FGF13: variants seen among roughly 807,000 people sequenced by gnomAD.
FGF13 encodes the protein fibroblast growth factor homologous factor 2.
FGF13 carries 2 observed loss-of-function variants against 19.5 expected under a neutral mutation model. The ratio of observed to expected loss-of-function variants is 0.10; its 90% CI spans 0.04 to 0.32. The LOEUF is 0.32. Ranked by LOEUF, FGF13 falls within the 10% of genes least tolerant of loss-of-function variation. The probability of loss-of-function intolerance (pLI) is 1.00; values close to 1 mark genes in which losing one functional copy is unlikely to be tolerated. For synonymous variants in FGF13, 72 were observed against 76.9 expected, an observed-to-expected ratio of 0.94 and a Z score of 0.33; for missense variants, 113 against 192.7, an observed-to-expected ratio of 0.59 and a Z score of 2.45.
At chrX:138,784,891 C>G (rs1033183407) in intron 3 of FGF13, among the ~76,000 whole-genome samples, 1 of 112,198 alleles carries the variant, frequency 8.9e-6, no homozygotes, top group Non-Finnish European at 1.9e-5. Flanking sequence ...TACTTCACTG[C>G]TGTATTTTAG....
At chrX:138,845,420 C>T (rs1165973990) in intron 3 of FGF13, among the ~76,000 whole-genome samples, 1 of 111,832 alleles carries the variant, frequency 8.9e-6, no homozygotes, top group Non-Finnish European at 1.9e-5. Context: ...CCGTTGAACA[C>T]AGAATATCAA....
chrX:138,908,328 T>G (rs1262434441), intron 1 of FGF13, among the ~76,000 whole-genome samples: 1 of 108,899 alleles, frequency 9.2e-6, no homozygotes, highest in Non-Finnish European at 1.9e-5. Context: ...TCCGCCCACC[T>G]TGGCTCCCAA....
chrX:138,971,143 G>A (rs1490292218), intron 1 of FGF13, among the ~76,000 whole-genome samples: 2 of 111,381 alleles, frequency 1.8e-5, no homozygotes, highest in Non-Finnish European at 3.8e-5. Flanking sequence ...ACAGGGTATT[G>A]CCAGGGGCCT....
chrX:138,841,522 T>A lies in FGF13; in HGVS notation c.217+15990A>T, dbSNP rs182151215. Reference sequence around the variant, plus strand: ...CTATCCAATCCTTTTTAAAAATTTTTTTTATTTATATATATATAAGGATAT... The same window carrying A: ...CTATCCAATCCTTTTTAAAAATTTTATTTATTTATATATATATAAGGATAT... On this transcript the variant is annotated intron_variant, in intron 3 of 6. Coordinates refer to the FGF13 transcript ENST00000436198. Among the ~76,000 whole-genome samples the A allele has an allele frequency of 4.0e-4, 44 of 110,519 alleles. 1 individual carries two copies. In the East Asian group the frequency reaches 0.012, roughly 31 times the overall value.
intron 1 of FGF13, among the ~76,000 whole-genome samples, chrX:138,868,363 AGT>A (rs200694460): frequency 0.1 from 11,032 of 108,834 alleles, 1,421 homozygotes; most frequent in African/African-American, 0.35. Flanking sequence ...AGCGGGGCCC[AGT>A]GTGTGTGTGT....
upstream of FGF13, among the ~76,000 whole-genome samples, chrX:138,713,468 C>T (rs1026124686): frequency 9.0e-6 from 1 of 111,711 alleles, no homozygotes; most frequent in African/African-American, 3.3e-5. Flanking sequence ...TTATTCTCTG[C>T]ATGTTTTTAC....
intron 1 of FGF13, among the ~76,000 whole-genome samples, chrX:139,028,993 G>A (rs1364800670): frequency 2.7e-5 from 3 of 110,589 alleles, no homozygotes; most frequent in Non-Finnish European, 3.8e-5. Context: ...GCCTAGCCAT[G>A]TCAGTAGCTG....
At chrX:139,202,098 T>A (rs1005819799) in intron 1 of FGF13, among the ~76,000 whole-genome samples, 9 of 112,517 alleles carry the variant, frequency 8.0e-5, no homozygotes, top group Non-Finnish European at 1.7e-4. Flanking sequence ...AAACCTGTCC[T>A]GTTTCCAGAT....
intron 2 of FGF13, among the ~76,000 whole-genome samples, 155 bp from the exon 3 acceptor site, chrX:138,703,242 G>T (rs988696655): frequency 8.9e-6 from 1 of 112,166 alleles, no homozygotes; most frequent in African/African-American, 3.2e-5. Flanking sequence ...TACACATACA[G>T]ACCCCCACAA....
At chrX:138,958,858 G>A (rs761069896) in intron 1 of FGF13, among the ~76,000 whole-genome samples, 20 of 111,256 alleles carry the variant, frequency 1.8e-4, no homozygotes, top group African/African-American at 6.2e-4. Flanking sequence ...CTGTGGGATC[G>A]GTGGTGATAT....
chrX:139,188,800 T>C (rs2084300842), intron 1 of FGF13, among the ~76,000 whole-genome samples: 1 of 112,383 alleles, frequency 8.9e-6, no homozygotes, highest in Non-Finnish European at 1.9e-5. Flanking sequence ...AATAAAAATG[T>C]TGAATTATTC....
rs2089013567 is a variant in FGF13 at position 138,621,259 on chromosome X, T to C, written c.*11591A>G. ...ACAAGTGTTAACAAAACTAAGAAGATTGAAATCATACCAAATATCTTTTCT... is the reference window on the plus strand; with the variant it reads ...ACAAGTGTTAACAAAACTAAGAAGACTGAAATCATACCAAATATCTTTTCT... On this transcript the variant is annotated 3_prime_UTR_variant, in exon 5 of 5. Coordinates refer to ENST00000315930, the MANE Select transcript of FGF13 (RefSeq NM_004114.5). The C allele has an allele frequency of 1.8e-5, 2 of 111,463 alleles. No homozygotes were observed. The highest frequency in any genetic ancestry group is 3.8e-5 in the Non-Finnish European group (2 of 53,061). 9.2% of individuals were successfully genotyped at this position (111,463 alleles called of 1,213,427 possible).
chrX:138,751,378 T>C (rs1214873944), intron 3 of FGF13, among the ~76,000 whole-genome samples: 1 of 111,114 alleles, frequency 9.0e-6, no homozygotes, highest in Non-Finnish European at 1.9e-5. Flanking sequence ...AAGTGATCCA[T>C]GCTCAGAGGC....
At chrX:138,920,160 T>C (rs1275614380) in intron 1 of FGF13, among the ~76,000 whole-genome samples, 2 of 111,253 alleles carry the variant, frequency 1.8e-5, no homozygotes, top group Non-Finnish European at 3.8e-5. Context: ...TAAATTATTT[T>C]GTGATCATAG....
chrX:139,159,129 C>T (rs755041960), intron 1 of FGF13, among the ~76,000 whole-genome samples: 51 of 112,333 alleles, frequency 4.5e-4, no homozygotes, highest in African/African-American at 1.5e-3. Context: ...CAGCAGATCT[C>T]TCTGCAGAAA....
At position 138,709,081 on chromosome X, in the gene FGF13, G is replaced by A. The variant is rs1482582605; in HGVS notation, c.188-153C>T. ...GTCTGGAAGAAAGAAAACAAACTCT[G>A]AGTTTCAGAATAAATTTTCAAACTA... On this transcript the variant is annotated intron_variant, in intron 1 of 4. Transcript: ENST00000315930. Among the ~76,000 whole-genome samples the A allele has an allele frequency of 6.2e-5, 7 of 112,934 alleles. No individual in the cohort carries two copies. In the South Asian group the frequency reaches 1.1e-3, roughly 17 times the overall value.
intron 1 of FGF13, among the ~76,000 whole-genome samples, chrX:139,116,994 A>G (rs1213111588): frequency 9.0e-6 from 1 of 111,516 alleles, no homozygotes; most frequent in African/African-American, 3.3e-5. Flanking sequence ...CCAAGCTATC[A>G]ATACTACTGA....
chrX:139,050,672 T>C (rs1879806466), intron 1 of FGF13, among the ~76,000 whole-genome samples: 1 of 112,125 alleles, frequency 8.9e-6, no homozygotes, highest in Non-Finnish European at 1.9e-5. Flanking sequence ...GCTATATGCC[T>C]CCAGCTTATT....
intron 2 of FGF13, among the ~76,000 whole-genome samples, chrX:138,705,985 G>A (rs905457188): frequency 8.9e-6 from 1 of 112,278 alleles, no homozygotes; most frequent in African/African-American, 3.2e-5. Context: ...TGTTATGTCT[G>A]CATAAAAACA....
Sources: allele counts gnomAD v4.1 joint callset (sites outside exome capture counted in the v4.1 genomes callset), GRCh38; gene constraint gnomAD v4.1.1; transcripts MANE v1.5; gene names NCBI Gene and HGNC (gene_info 2026-07-23, HGNC 2026-07-21).